The following KDM6A variants were observed in gnomAD, a reference collection of about 807,000 sequenced individuals.
KDM6A encodes the protein lysine-specific demethylase 6A.
In KDM6A, 11 loss-of-function variants were observed where a neutral mutation model predicts 117.6. The ratio of observed to expected loss-of-function variants is 0.09; its 90% CI spans 0.06 to 0.15. The LOEUF is 0.15. Among genes scored for constraint, KDM6A ranks in the 10% least tolerant of loss-of-function variants. The pLI, the probability that KDM6A is intolerant of heterozygous loss-of-function variation, is 1.00. For missense variants in KDM6A, 799 were observed against 1,077.3 expected (o/e 0.74, Z 3.62); for synonymous variants, 384 against 396.1 (o/e 0.97, Z 0.36).
chrX:44,953,629 G>A (rs1246536381), intron 2 of KDM6A, among the ~76,000 whole-genome samples: 1 of 111,523 alleles, frequency 9.0e-6, no homozygotes, highest in African/African-American at 3.3e-5. Context: ...TTGCTCCTGG[G>A]AAATGGAACT....
chrX:45,068,335 T>G (rs1195613694), intron 17 of KDM6A, among the ~76,000 whole-genome samples: 2 of 110,629 alleles, frequency 1.8e-5, no homozygotes, highest in Non-Finnish European at 3.8e-5. Flanking sequence ...GAGGCAAATT[T>G]CAGGTAAAAA....
intron 27 of KDM6A, among the ~76,000 whole-genome samples, chrX:45,105,402 A>G (rs2046489331): frequency 9.0e-6 from 1 of 111,137 alleles, no homozygotes; most frequent in African/African-American, 3.3e-5. Context: ...TGCTTTTATT[A>G]TATTATTTTT....
intron 6 of KDM6A, among the ~76,000 whole-genome samples, chrX:45,021,571 A>G (rs2042171922): frequency 4.5e-5 from 5 of 111,846 alleles, no homozygotes; most frequent in African/African-American, 1.6e-4. Flanking sequence ...GAGCTCACTA[A>G]TAAGGAACTA....
At chrX:44,917,570 A>T (rs2035640793) in intron 2 of KDM6A, among the ~76,000 whole-genome samples, 2 of 112,194 alleles carry the variant, frequency 1.8e-5, no homozygotes, top group African/African-American at 6.5e-5. Context: ...AGCTGTTTAT[A>T]TGAGTTGACC....
chrX:45,046,987 G>A (rs1187770323), intron 8 of KDM6A, among the ~76,000 whole-genome samples: 1 of 108,987 alleles, frequency 9.2e-6, no homozygotes, highest in African/African-American at 3.4e-5. Context: ...GATGATGGTG[G>A]TGGTGGTGGT....
intron 23 of KDM6A, 144 bp downstream of exon 23, chrX:45,082,933 T>C: frequency 2.1e-6 from 1 of 470,644 alleles, no homozygotes; most frequent in Non-Finnish European, 3.6e-6. Context: ...CTTTTTTTGC[T>C]ACATTTTACA....
At chrX:44,920,871 C>T (rs1385666536) in intron 2 of KDM6A, among the ~76,000 whole-genome samples, 5 of 95,981 alleles carry the variant, frequency 5.2e-5, no homozygotes, top group Admixed American at 1.1e-4. Flanking sequence ...TTTTTCTTTT[C>T]TTTTTCTTTT....
chrX:45,015,955 G>A (rs1040976137), intron 5 of KDM6A, among the ~76,000 whole-genome samples: 1 of 111,400 alleles, frequency 9.0e-6, no homozygotes, highest in African/African-American at 3.3e-5. Context: ...CTAGAGAGGA[G>A]AAAAGAACCA....
chrX:44,898,769 G>T lies in KDM6A; in HGVS notation c.225+24782G>T, dbSNP rs755785487. ...AGGGGAACTGGAGCACCCCTGTGTGGGGGATGGAAGATCAATTCCCTGTTT... is the reference window on the plus strand; with the variant it reads ...AGGGGAACTGGAGCACCCCTGTGTGTGGGATGGAAGATCAATTCCCTGTTT... On this transcript the variant is annotated intron_variant, in intron 2 of 29. Coordinates refer to ENST00000611820, the MANE Select transcript of KDM6A (RefSeq NM_001291415.2). Among the ~76,000 whole-genome samples, 3 of 110,673 alleles carry T rather than the reference G, an allele frequency of 2.7e-5. No homozygotes were observed. The South Asian group carries it at 1.1e-3, about 42-fold the overall frequency.
At chrX:45,075,679 C>A (rs1190628509) in intron 18 of KDM6A, among the ~76,000 whole-genome samples, 1 of 109,118 alleles carries the variant, frequency 9.2e-6, no homozygotes, top group African/African-American at 3.5e-5. Context: ...TAGTATCAAC[C>A]AAAACAGGCT....
rs142992253 is a variant in KDM6A at position 45,034,854 on chromosome X, A to G, written c.565-77A>G. The G allele has an allele frequency of 4.1e-5, 32 of 788,009 alleles. No individual in the cohort carries two copies. In the East Asian group the frequency reaches 1.0e-3, roughly 25 times the overall value. The allele number at this position is 788,009 out of a possible 1,213,427, so 64.9% of individuals were successfully genotyped here. On this transcript the variant is annotated intron_variant, in intron 6 of 29. Transcript: ENST00000611820. ...TATTTATTATTATTTTAGACCTTAC[A>G]TACCTGAAAAGTATCTTAAGATGCT...
chrX:45,032,611 C>T (rs765527825), intron 6 of KDM6A, among the ~76,000 whole-genome samples: 7 of 111,030 alleles, frequency 6.3e-5, no homozygotes, highest in African/African-American at 1.6e-4. Flanking sequence ...GCCACCATGC[C>T]GGCTAATTTT....
chrX:45,084,645 C>T (rs2045570631), intron 24 of KDM6A, among the ~76,000 whole-genome samples: 1 of 111,058 alleles, frequency 9.0e-6, no homozygotes, highest in South Asian at 3.8e-4. Context: ...TTTTAAGAGA[C>T]AGGGTCTTGC....
At chrX:44,922,709 TC>T (rs1179271759) in intron 2 of KDM6A, among the ~76,000 whole-genome samples, 1 of 112,803 alleles carries the variant, frequency 8.9e-6, no homozygotes, top group East Asian at 2.8e-4. Flanking sequence ...CCTCAGGTGA[TC>T]CTCCCGCCTC....
intron 2 of KDM6A, among the ~76,000 whole-genome samples, chrX:44,932,759 A>G (rs979030704): frequency 2.7e-5 from 3 of 111,780 alleles, no homozygotes; most frequent in Non-Finnish European, 5.6e-5. Context: ...CTGGTACAGA[A>G]TTTAAAAAAC....
chrX:44,962,800 A>G (rs903773402), intron 3 of KDM6A, among the ~76,000 whole-genome samples: 1 of 112,526 alleles, frequency 8.9e-6, no homozygotes, highest in African/African-American at 3.2e-5. Context: ...AAAAGTGCTA[A>G]CAATCAACTG....
At chrX:45,041,096 C>T (rs1331572275) in intron 8 of KDM6A, among the ~76,000 whole-genome samples, 3 of 78,879 alleles carry the variant, frequency 3.8e-5, no homozygotes, top group Admixed American at 2.4e-4. Flanking sequence ...CCTCACCTCC[C>T]GGACGGGGTG....
At chrX:44,963,334 C>G (rs2038791001) in intron 3 of KDM6A, among the ~76,000 whole-genome samples, 1 of 109,263 alleles carries the variant, frequency 9.2e-6, no homozygotes, top group South Asian at 4.0e-4. Context: ...TGGCATGCAC[C>G]TACCCTGGAG....
intron 6 of KDM6A, among the ~76,000 whole-genome samples, chrX:45,022,542 T>A (rs946512573): frequency 5.3e-5 from 6 of 112,185 alleles, no homozygotes; most frequent in Non-Finnish European, 7.5e-5. Context: ...AAGAAGAATT[T>A]GGGCATGAAC....
Sources: allele counts gnomAD v4.1 joint callset (sites outside exome capture counted in the v4.1 genomes callset), GRCh38; gene constraint gnomAD v4.1.1; transcripts MANE v1.5; gene names NCBI Gene and HGNC (gene_info 2026-07-23, HGNC 2026-07-21).